Variants in SEPTIN7 observed in about 807,000 individuals in gnomAD.
SEPTIN7 encodes the protein septin 7, also known as septin-7.
Under a neutral mutation model 63.3 loss-of-function variants are expected in SEPTIN7, and 10 were observed. The ratio of observed to expected loss-of-function variants is 0.16; its 90% CI spans 0.10 to 0.27. The LOEUF (loss-of-function observed/expected upper bound fraction) is 0.27. Among genes scored for constraint, SEPTIN7 ranks in the 10% least tolerant of loss-of-function variants. The pLI is 1.00. For missense variants in SEPTIN7, 310 were observed against 521.0 expected (o/e 0.59, Z 3.94); for synonymous variants, 131 against 165.3 (o/e 0.79, Z 1.59).
intron 4 of SEPTIN7, among the ~76,000 whole-genome samples, chr7:35,864,623 ATAAAAT>A (rs1785702500): frequency 6.6e-6 from 1 of 152,112 alleles, no homozygotes; most frequent in Non-Finnish European, 1.5e-5. Context: ...ATCAGGTTAA[ATAAAAT>A]TGATTGATTT....
At chr7:35,880,218 C>CTTTTCTTTTTTTTTTTTTTTTTTTTTT (rs1786766629) in intron 7 of SEPTIN7, among the ~76,000 whole-genome samples, 8 of 91,476 alleles carry the variant, frequency 8.7e-5, no homozygotes, top group South Asian at 3.4e-4. Flanking sequence ...CTTTTTTTTT[C>CTTTTCTTTTTTTTTTTTTTTTTTTTTT]TTTTCTTTTT....
At chr7:35,809,506 G>A (rs568896044) in intron 1 of SEPTIN7, among the ~76,000 whole-genome samples, 5 of 152,248 alleles carry the variant, frequency 3.3e-5, no homozygotes, top group Admixed American at 3.3e-4. Flanking sequence ...TCACCTTTGT[G>A]TCCCCAACCC....
chr7:35,804,838 T>TTG (rs1554331232), intron 1 of SEPTIN7, among the ~76,000 whole-genome samples: 2 of 147,492 alleles, frequency 1.4e-5, no homozygotes, highest in African/African-American at 2.5e-5. Flanking sequence ...TTTTTTTGTT[T>TTG]TTTTTTTTTT....
intron 8 of SEPTIN7, among the ~76,000 whole-genome samples, chr7:35,883,539 C>G (rs1026242075): frequency 6.9e-6 from 1 of 144,112 alleles, no homozygotes; most frequent in Non-Finnish European, 1.5e-5. Context: ...TAGTCATTAG[C>G]CCCCCGCTTT....
chr7:35,828,973 C>T (rs1397534041), intron 1 of SEPTIN7, among the ~76,000 whole-genome samples: 1 of 152,078 alleles, frequency 6.6e-6, no homozygotes, highest in East Asian at 1.9e-4. Context: ...ATGAAAAACT[C>T]TCTAGTGTCT....
In SEPTIN7 at chr7:35,801,126, G is replaced by C. The variant is rs1787923735; in HGVS notation, c.-84G>C. On this transcript the variant is annotated 5_prime_UTR_variant, in exon 1 of 14. Coordinates refer to ENST00000350320, the MANE Select transcript of SEPTIN7 (RefSeq NM_001788.6). ...GTAAGCAAGGCAGCTACGCCGGGCG[G>C]CTACGCTGCGGAATCGGCGTAGGCG... 8.5e-7 allele frequency: 1 copy of C among 1,175,982 alleles called. No individual in the cohort carries two copies. Among genetic ancestry groups the C allele is most frequent in the African/African-American group, 1.6e-5 (1 of 61,506 alleles). 72.8% of individuals were successfully genotyped at this position (1,175,982 alleles called of 1,614,324 possible).
At chr7:35,803,274 C>A in intron 1 of SEPTIN7, 1 of 322,912 alleles carries the variant, frequency 3.1e-6, no homozygotes, top group Non-Finnish European at 4.5e-6. Flanking sequence ...CACATTGTCC[C>A]GTAGAAGTCA....
At chr7:35,914,688 AATAT>A in the SEPTIN7 span, among the ~76,000 whole-genome samples, 43 of 150,018 alleles carry the variant, frequency 2.9e-4, no homozygotes, top group African/African-American at 1.0e-3. Context: ...CACACACATA[AATAT>A]ATATAGATTA....
intron 3 of SEPTIN7, among the ~76,000 whole-genome samples, chr7:35,845,786 G>A (rs1784630132): frequency 6.6e-6 from 1 of 152,058 alleles, no homozygotes; most frequent in South Asian, 2.1e-4. Context: ...GGTATTTAAT[G>A]TTAGTGATAG....
At chr7:35,902,883 A>C (rs1240263747) in intron 12 of SEPTIN7, 193 bp from the exon 13 acceptor site, 1 of 713,084 alleles carries the variant, frequency 1.4e-6, no homozygotes, top group Non-Finnish European at 2.0e-6. Flanking sequence ...GTCTTGGGTC[A>C]CTGGCCTTTT....
rs1282973436 is a variant in SEPTIN7 at position 35,801,287 on chromosome 7, G to GA, written c.61+17_61+18insA. On this transcript the variant is annotated intron_variant, in intron 1 of 13. Coordinates refer to ENST00000350320, the MANE Select transcript of SEPTIN7 (RefSeq NM_001788.6). ...GCACCATGGGTGAGTCTCAGCTTCG[G>GA]GTGCCGCGACTTGGGGTCAGCGGCT... The GA allele has an allele frequency of 7.3e-7, 1 of 1,373,846 alleles. No individual in the cohort carries two copies. The highest frequency in any genetic ancestry group is 9.4e-7 in the Non-Finnish European group (1 of 1,069,348). The allele number at this position is 1,373,846 out of a possible 1,614,324, so 85.1% of individuals were successfully genotyped here.
chr7:35,848,770 A>G (rs1361349751), intron 3 of SEPTIN7, among the ~76,000 whole-genome samples: 1 of 152,210 alleles, frequency 6.6e-6, no homozygotes, highest in Non-Finnish European at 1.5e-5. Context: ...CATGAAGAAA[A>G]TGTTCTGAGT....
At chr7:35,820,917 G>C (rs1439849392) in intron 1 of SEPTIN7, among the ~76,000 whole-genome samples, 1 of 152,182 alleles carries the variant, frequency 6.6e-6, no homozygotes, top group Admixed American at 6.5e-5. Context: ...CTAATTCTGT[G>C]AAGTTAATTT....
Position 35,872,718 on chromosome 7 carries a change from C to A in SEPTIN7, c.329C>A (p.Thr110Lys). 2 of 1,612,674 alleles carry A rather than the reference C, an allele frequency of 1.2e-6. No individual in the cohort carries two copies. Among genetic ancestry groups the A allele is most frequent in the Non-Finnish European group, 1.7e-6 (2 of 1,178,840 alleles). Residue 110 changes from threonine (T) to lysine (K), a missense_variant, in exon 5 of 14, where the codon ACA becomes AAA. This residue lies in a region of SEPTIN7 where 255 missense variants were observed against 490.5 expected (regional missense o/e 0.52). Coordinates refer to ENST00000350320, the MANE Select transcript of SEPTIN7 (RefSeq NM_001788.6). The stretch of plus-strand genomic sequence containing the variant: ...GAAGGTGGTGTTCAGTTGCTGCTCA[C>A]AATAGTTGATACCCCAGGATTTGGA... Reference protein sequence around the residue: ...IKEGGVQLLLTIVDTPGFGDA... With the variant: ...IKEGGVQLLLKIVDTPGFGDA...
intron 11 of SEPTIN7, among the ~76,000 whole-genome samples, chr7:35,894,107 C>T (rs1787815743): frequency 1.4e-5 from 2 of 145,026 alleles, no homozygotes; most frequent in Admixed American, 7.3e-5. Context: ...GTGTGATCCC[C>T]AATAAGAGGA....
Position 35,856,545 on chromosome 7 carries a change from C to G in SEPTIN7, c.170-7007C>G, listed in dbSNP as rs1785216780. ...ACTGCTCTTAAAGATCAGATTTGTT[C>G]AGCTTTTTACTTCTTAGAATGGAGT... On this transcript the variant is annotated intron_variant, in intron 3 of 13. Coordinates refer to ENST00000350320, the MANE Select transcript of SEPTIN7 (RefSeq NM_001788.6). Among the ~76,000 whole-genome samples the G allele has an allele frequency of 3.3e-5, 5 of 152,188 alleles. No individual in the cohort carries two copies. In the South Asian group the frequency reaches 1.0e-3, roughly 32 times the overall value.
In SEPTIN7 at chr7:35,882,490, A is replaced by C. The variant is rs1786947687; in HGVS notation, c.637A>C (p.Lys213Gln). 7 of 1,465,550 alleles carry C rather than the reference A, an allele frequency of 4.8e-6. No individual in the cohort carries two copies. The highest frequency in any genetic ancestry group is 6.4e-6 in the Non-Finnish European group (7 of 1,095,016). The allele number at this position is 1,465,550 out of a possible 1,614,324, so 90.8% of individuals were successfully genotyped here. The change falls in exon 8 of 14, where the codon AAA becomes CAA. Residue 213 changes from lysine to glutamine, a missense_variant. Physicochemically the swap from Lys to Gln is moderately conservative, Grantham distance 53. This residue lies in a region of SEPTIN7 where 255 missense variants were observed against 490.5 expected (regional missense o/e 0.52). Coordinates refer to ENST00000350320, the MANE Select transcript of SEPTIN7 (RefSeq NM_001788.6). ...ECQQFKKQIM[K>Q]EIQEHKIKIY... ...ACTACTTCTTCCATTTTAGATAATGAAAGAAATCCAAGAACATAAAATTAA... is the reference window on the plus strand; with the variant it reads ...ACTACTTCTTCCATTTTAGATAATGCAAGAAATCCAAGAACATAAAATTAA...
chr7:35,907,461 A>G (rs1346812653), downstream of SEPTIN7, among the ~76,000 whole-genome samples: 2 of 152,154 alleles, frequency 1.3e-5, no homozygotes, highest in African/African-American at 4.8e-5. Context: ...TTAATACATT[A>G]TCTAATAAAT....
intron 12 of SEPTIN7, chr7:35,900,646 A>G (rs1471441672): frequency 6.6e-6 from 1 of 152,238 alleles, no homozygotes; most frequent in Non-Finnish European, 1.5e-5. Flanking sequence ...GATTCCATTG[A>G]GAATCTAAAA....
Sources: gnomAD v4.1 joint callset for allele counts (sites outside exome capture counted in the v4.1 genomes callset) on GRCh38, gnomAD v4.1.1 for gene constraint, gnomAD v4.1.1 regional missense constraint, MANE v1.5 for transcripts, NCBI Gene and HGNC (gene_info 2026-07-23, HGNC 2026-07-21) for gene names.